SBF2: variants seen among roughly 807,000 people sequenced by gnomAD.
SBF2 encodes myotubularin-related protein 13.
Under a neutral mutation model 225.2 loss-of-function variants are expected in SBF2, and 112 were observed. That is an observed-to-expected ratio of 0.50 (90% CI 0.43 to 0.58). The LOEUF is 0.58. Among genes scored for constraint, SBF2 ranks in the 20% least tolerant of loss-of-function variants. The pLI, the probability that SBF2 is intolerant of heterozygous loss-of-function variation, is 0.00. For missense variants in SBF2, 1,996 were observed against 2,206.2 expected (o/e 0.90, Z 1.91); for synonymous variants, 763 against 773.3 (o/e 0.99, Z 0.22).
chr11:10,063,364 TTA>T (rs1314290252), intron 2 of SBF2, among the ~76,000 whole-genome samples: 1 of 109,270 alleles, frequency 9.2e-6, no homozygotes, highest in African/African-American at 3.1e-5. Context: ...TTTTTTTATT[TTA>T]TTTTTTTTTG....
chr11:10,187,271 C>T (rs1956962182), intron 2 of SBF2, among the ~76,000 whole-genome samples: 1 of 151,122 alleles, frequency 6.6e-6, no homozygotes, highest in South Asian at 2.1e-4. Context: ...TCTCTTTTTC[C>T]TCTCTCTCCT....
chr11:10,163,935 G>T (rs943922793), intron 2 of SBF2, among the ~76,000 whole-genome samples: 1 of 152,182 alleles, frequency 6.6e-6, no homozygotes, highest in Non-Finnish European at 1.5e-5. Context: ...AAATTACTTT[G>T]TAAGTGTTAT....
intron 6 of SBF2, among the ~76,000 whole-genome samples, chr11:10,003,656 C>T (rs538705250): frequency 4.6e-5 from 7 of 152,174 alleles, no homozygotes; most frequent in South Asian, 2.1e-4. Context: ...TGTGAGCCAC[C>T]GCGCCTGGCC....
intron 13 of SBF2, among the ~76,000 whole-genome samples, chr11:9,974,686 C>G (rs545825837): frequency 3.9e-4 from 58 of 149,972 alleles, no homozygotes; most frequent in Non-Finnish European, 7.7e-4. Context: ...AGAAAGAAAC[C>G]AGCCGGGTGC....
At position 10,158,331 on chromosome 11, in the gene SBF2, TTAGAG is replaced by T. The variant is rs533456553; in HGVS notation, c.141+35566_141+35570del. The stretch of plus-strand genomic sequence containing the variant: ...GCGGAAGAAAAGAAAATAATAAAGA[TTAGAG>T]TAGAAATAAATGAAATATAAACAAG... On this transcript the variant is annotated intron_variant, in intron 2 of 39. Transcript: ENST00000256190. Among the ~76,000 whole-genome samples, 206 of 151,368 alleles carry T rather than the reference TTAGAG, an allele frequency of 1.4e-3. 1 individual carries two copies. Among genetic ancestry groups the T allele is most frequent in the African/African-American group, 4.7e-3 (193 of 41,256 alleles).
intron 16 of SBF2, among the ~76,000 whole-genome samples, chr11:9,930,567 ATTG>A (rs1419356732): frequency 1.3e-5 from 2 of 152,112 alleles, no homozygotes; most frequent in African/African-American, 4.8e-5. Flanking sequence ...CATTATTTTG[ATTG>A]TTGTGATAGT....
intron 3 of SBF2, among the ~76,000 whole-genome samples, chr11:10,032,889 C>T (rs925604601): frequency 2.6e-5 from 4 of 152,128 alleles, no homozygotes; most frequent in Non-Finnish European, 5.9e-5. Context: ...GAAGTCTTTT[C>T]CCCCCTATTC....
intron 2 of SBF2, among the ~76,000 whole-genome samples, chr11:10,176,726 G>A (rs1248854148): frequency 6.6e-6 from 1 of 152,064 alleles, no homozygotes; most frequent in Non-Finnish European, 1.5e-5. Context: ...AAGAGTCCAG[G>A]ACCAGATGGA....
At chr11:9,910,813 C>T (rs765064180) in intron 16 of SBF2, among the ~76,000 whole-genome samples, 37 of 148,918 alleles carry the variant, frequency 2.5e-4, no homozygotes, top group Non-Finnish European at 3.8e-4. Context: ...CCATGGGAGG[C>T]CAAAGCAGGT....
intron 2 of SBF2, among the ~76,000 whole-genome samples, chr11:10,161,317 T>C (rs1291826775): frequency 6.6e-6 from 1 of 151,962 alleles, no homozygotes; most frequent in Non-Finnish European, 1.5e-5. Context: ...ACTCTACTCC[T>C]AATAGGGTAT....
chr11:10,128,460 G>C (rs1462641839), intron 2 of SBF2, among the ~76,000 whole-genome samples: 1 of 152,174 alleles, frequency 6.6e-6, no homozygotes, highest in African/African-American at 2.4e-5. Flanking sequence ...AGATGATTCT[G>C]CCTCCTTGAA....
At chr11:9,875,137 T>C (rs754741186) in intron 17 of SBF2, among the ~76,000 whole-genome samples, 1 of 152,232 alleles carries the variant, frequency 6.6e-6, no homozygotes, top group Non-Finnish European at 1.5e-5. Flanking sequence ...TATCAAATCA[T>C]ATAGACTGGG....
intron 1 of SBF2, among the ~76,000 whole-genome samples, chr11:10,225,253 A>T (rs1035355022): frequency 2.0e-5 from 3 of 152,114 alleles, no homozygotes; most frequent in African/African-American, 2.4e-5. Context: ...AAATATACCA[A>T]TTTGAGAATA....
At chr11:10,051,271 T>A (rs981008373) in intron 2 of SBF2, among the ~76,000 whole-genome samples, 1 of 152,102 alleles carries the variant, frequency 6.6e-6, no homozygotes, top group African/African-American at 2.4e-5. Context: ...AAATTCCTTC[T>A]CCTAATAGAA....
chr11:10,244,769 T>G (rs965328236), intron 1 of SBF2, among the ~76,000 whole-genome samples: 12 of 152,100 alleles, frequency 7.9e-5, no homozygotes, highest in African/African-American at 2.9e-4. Flanking sequence ...CTGCAAACTA[T>G]ACAACTGATA....
At position 10,303,520 on chromosome 11, in the gene SBF2, G is replaced by GC. The variant is rs1163995237; in HGVS notation, n.386+971dup. 6.6e-6 allele frequency: 1 copy of GC among 152,324 alleles called. No homozygotes were observed. The highest frequency in any genetic ancestry group is 1.5e-5 in the Non-Finnish European group (1 of 68,106). The allele number at this position is 152,324 out of a possible 1,614,324, so 9.4% of individuals were successfully genotyped here. A position where few individuals can be genotyped will look rare whatever the true frequency, so the allele number is the denominator to read the frequency against. On this transcript the variant is annotated intron_variant and non_coding_transcript_variant, in intron 1 of 5. Transcript: ENST00000685217. This position sits in a 1 kb window ranked among gnomAD's most constrained non-coding sequence, Gnocchi z 5.2. ...CAAGGTCCGCGCGACCCACTGCCCAGCCGCCTTTGCACCGGAGCTCAGAGC... is the reference window on the plus strand; with the variant it reads ...CAAGGTCCGCGCGACCCACTGCCCAGCCCGCCTTTGCACCGGAGCTCAGAGC...
chr11:10,142,538 G>C (rs1445443638), intron 2 of SBF2, among the ~76,000 whole-genome samples: 6 of 152,172 alleles, frequency 3.9e-5, no homozygotes, highest in Admixed American at 3.9e-4. Flanking sequence ...TCTCAAAGAA[G>C]AGTTTATAAT....
intron 2 of SBF2, among the ~76,000 whole-genome samples, chr11:10,134,473 A>G (rs1485432042): frequency 3.3e-5 from 5 of 152,198 alleles, no homozygotes; most frequent in African/African-American, 1.2e-4. Context: ...TCCACAGTCC[A>G]AAGTCTCATC....
At chr11:9,827,304 G>C (rs1855126787) in intron 28 of SBF2, among the ~76,000 whole-genome samples, 1 of 152,136 alleles carries the variant, frequency 6.6e-6, no homozygotes, top group Non-Finnish European at 1.5e-5. Flanking sequence ...CAGGTGGGAG[G>C]ACTGCTTCAG....
Sources: allele counts gnomAD v4.1 joint callset (sites outside exome capture counted in the v4.1 genomes callset), GRCh38; gene constraint gnomAD v4.1.1; non-coding constraint Gnocchi (gnomAD v3.1); transcripts MANE v1.5; gene names NCBI Gene and HGNC (gene_info 2026-07-23, HGNC 2026-07-21).